Variants in MTHFS observed in about 807,000 individuals in gnomAD.
MTHFS encodes 5-formyltetrahydrofolate cyclo-ligase.
MTHFS carries 7 observed loss-of-function variants against 12.7 expected under a neutral mutation model. That is an observed-to-expected ratio of 0.55 (90% CI 0.31 to 1.03). The LOEUF (loss-of-function observed/expected upper bound fraction) is 1.03. Ranked by LOEUF, MTHFS falls within the 50% of genes least tolerant of loss-of-function variation. MTHFS has a pLI of 0.05. For missense variants in MTHFS, 252 were observed against 258.1 expected (o/e 0.98, Z 0.16); for synonymous variants, 100 against 97.1 (o/e 1.03, Z -0.18).
intron 2 of MTHFS, among the ~76,000 whole-genome samples, chr15:79,868,596 C>A (rs2034051243): frequency 6.6e-6 from 1 of 152,154 alleles, no homozygotes; most frequent in African/African-American, 2.4e-5. Flanking sequence ...AAGTGGACAG[C>A]CCATCTCAAT....
chr15:79,896,770 T>A, intron 1 of MTHFS, 102 bp downstream of exon 1: 12 of 1,380,496 alleles, frequency 8.7e-6, no homozygotes, highest in Non-Finnish European at 9.5e-6. Context: ...GGGGGGCGCC[T>A]AGCCCAGCGC....
chr15:79,859,487 T>TA (rs77546675), intron 2 of MTHFS, among the ~76,000 whole-genome samples: 2 of 152,202 alleles, frequency 1.3e-5, no homozygotes, highest in East Asian at 3.8e-4. Context: ...GATTACTCAT[T>TA]AAATGTGTTC....
chr15:79,856,580 A>C (rs972735058), intron 2 of MTHFS, among the ~76,000 whole-genome samples: 1 of 152,224 alleles, frequency 6.6e-6, no homozygotes, highest in African/African-American at 2.4e-5. Context: ...ATAGAATCAG[A>C]AAGTAGAATG....
intron 2 of MTHFS, chr15:79,876,247 A>T (rs1359802074): frequency 6.6e-6 from 1 of 152,180 alleles, no homozygotes; most frequent in Non-Finnish European, 1.5e-5. Context: ...GGGCCAAGAT[A>T]TTCAATTTAG....
At chr15:79,881,561 C>T (rs995506391) in intron 2 of MTHFS, among the ~76,000 whole-genome samples, 1 of 148,028 alleles carries the variant, frequency 6.8e-6, no homozygotes, top group East Asian at 2.0e-4. Flanking sequence ...TGTATTTAGC[C>T]GAATACAAAA....
intron 2 of MTHFS, chr15:79,876,994 G>C (rs1596075719): frequency 6.6e-6 from 1 of 152,066 alleles, no homozygotes; most frequent in East Asian, 1.9e-4. Flanking sequence ...AGTGAGCTGA[G>C]ATTGCACCAT....
intron 1 of MTHFS, among the ~76,000 whole-genome samples, chr15:79,892,909 C>T (rs2034498849): frequency 6.6e-6 from 1 of 151,956 alleles, no homozygotes; most frequent in Non-Finnish European, 1.5e-5. Flanking sequence ...CGAGATTGGG[C>T]CACTGCACTC....
At chr15:79,896,783 G>A (rs1278021060) in intron 1 of MTHFS, 89 bp downstream of exon 1, 1 of 1,416,312 alleles carries the variant, frequency 7.1e-7, no homozygotes, top group South Asian at 1.2e-5. Flanking sequence ...CCCAGCGCCA[G>A]CACGGACCAT....
chr15:79,863,124 CA>C (rs913594994), intron 2 of MTHFS, among the ~76,000 whole-genome samples: 2 of 152,210 alleles, frequency 1.3e-5, no homozygotes, highest in Non-Finnish European at 2.9e-5. Flanking sequence ...GACTGTCCCT[CA>C]ACAGCCTCAA....
chr15:79,877,333 C>T (rs565734726), intron 2 of MTHFS: 1 of 152,006 alleles, frequency 6.6e-6, no homozygotes, highest in African/African-American at 2.4e-5. Context: ...TGGCTGAGAA[C>T]CTCCTATAGT....
rs58835744 is a variant in MTHFS, at chr15:79,872,103, CAAAAAAAA to C, written c.379+16982_379+16989del. ...CTGGCGACAGAGCAAGACTCCGTCT[CAAAAAAAA>C]AAAAAAAAAAAAAAAAATTTAAGTA... On this transcript the variant is annotated intron_variant, in intron 2 of 2. Coordinates refer to ENST00000258874, the MANE Select transcript of MTHFS (RefSeq NM_006441.4). 3.8e-3 allele frequency among the ~76,000 whole-genome samples: 256 copies of C among 66,778 alleles called. 2 individuals are homozygous for C. The highest frequency in any genetic ancestry group is 5.4e-3 in the Non-Finnish European group (189 of 34,968). The allele number at this position is 66,778 out of a possible 152,430, so 43.8% of individuals were successfully genotyped here.
At chr15:79,885,190 G>T (rs1459759918) in intron 2 of MTHFS, among the ~76,000 whole-genome samples, 1 of 152,180 alleles carries the variant, frequency 6.6e-6, no homozygotes. Context: ...GAACAACCTA[G>T]AAGGGTTGTT....
At chr15:79,871,299 G>A (rs1452252596) in intron 2 of MTHFS, among the ~76,000 whole-genome samples, 5 of 151,746 alleles carry the variant, frequency 3.3e-5, no homozygotes, top group African/African-American at 4.8e-5. Context: ...AGTACTAGAG[G>A]GAAAAAAGGA....
chr15:79,866,536 A>G (rs1459757731), intron 2 of MTHFS, among the ~76,000 whole-genome samples: 1 of 152,222 alleles, frequency 6.6e-6, no homozygotes, highest in Non-Finnish European at 1.5e-5. Context: ...CCAAGCAGAC[A>G]GTAGGTGTGC....
chr15:79,845,183 T>C lies in MTHFS; in HGVS notation c.*27A>G, dbSNP rs1160171017. ...TTTGCTTTACTCTCATATAAAACAC[T>C]GATTATTTGGCTGTAGTAATCCAGA... On this transcript the variant is annotated 3_prime_UTR_variant, in exon 3 of 3. Transcript: ENST00000258874. The C allele has an allele frequency of 4.3e-6, 7 of 1,612,414 alleles. No homozygotes were observed. The highest frequency in any genetic ancestry group is 5.9e-6 in the Non-Finnish European group (7 of 1,178,928).
At chr15:79,847,232 C>T (rs1310840310) in intron 2 of MTHFS, among the ~76,000 whole-genome samples, 20 of 152,026 alleles carry the variant, frequency 1.3e-4, no homozygotes, top group Admixed American at 1.3e-3. Flanking sequence ...GAGTGGGGAG[C>T]AGTTTACTCG....
At chr15:79,849,174 G>T (rs2033669793) in intron 2 of MTHFS, among the ~76,000 whole-genome samples, 1 of 152,128 alleles carries the variant, frequency 6.6e-6, no homozygotes. Flanking sequence ...CCTGCCCACA[G>T]AACTGTTCCT....
At chr15:79,889,381 T>A in intron 1 of MTHFS, 27 bp from the exon 2 acceptor site, 1 of 1,605,022 alleles carries the variant, frequency 6.2e-7, no homozygotes, top group Non-Finnish European at 8.5e-7. Context: ...GGCAATTATA[T>A]TTTCCAAGAC....
At chr15:79,879,354 G>A (rs1238121457) in intron 2 of MTHFS, among the ~76,000 whole-genome samples, 1 of 113,154 alleles carries the variant, frequency 8.8e-6, no homozygotes, top group African/African-American at 3.5e-5. Context: ...TTGAGTCAGA[G>A]TCTCACTCTG....
Sources: allele counts gnomAD v4.1 joint callset (sites outside exome capture counted in the v4.1 genomes callset), GRCh38; gene constraint gnomAD v4.1.1; transcripts MANE v1.5; gene names NCBI Gene and HGNC (gene_info 2026-07-23, HGNC 2026-07-21).